The following UBA6 variants were observed in gnomAD, a reference collection of about 807,000 sequenced individuals.
UBA6 encodes the protein ubiquitin like modifier activating enzyme 6.
UBA6 carries 87 observed loss-of-function variants against 148.3 expected under a neutral mutation model. The ratio of observed to expected loss-of-function variants is 0.59; its 90% CI spans 0.49 to 0.70. UBA6 has a LOEUF of 0.70. UBA6 is among the 30% of genes least tolerant of loss of function. The pLI is 0.00. For missense variants in UBA6, 1,186 were observed against 1,241.2 expected (o/e 0.96, Z 0.67); for synonymous variants, 376 against 401.0 (o/e 0.94, Z 0.75).
chr4:67,695,227 C>G (rs941613793), intron 2 of UBA6, among the ~76,000 whole-genome samples: 1 of 152,140 alleles, frequency 6.6e-6, no homozygotes, highest in Admixed American at 6.5e-5. Flanking sequence ...GATTAAGAAT[C>G]CCAACGTAAG....
Position 67,697,252 on chromosome 4 carries a change from G to A in UBA6, c.72-545C>T, listed in dbSNP as rs924498693. Among the ~76,000 whole-genome samples the A allele has an allele frequency of 2.6e-5, 4 of 152,266 alleles. No homozygotes were observed. The South Asian group carries it at 8.3e-4, about 32-fold the overall frequency. On this transcript the variant is annotated intron_variant, in intron 1 of 32. Coordinates refer to ENST00000322244, the MANE Select transcript of UBA6 (RefSeq NM_018227.6). ...ACTACTGACCTCAAGAGATCCACCC[G>A]CCTCAGCGTCCCAAAGTGCTAGGAT... is the stretch of plus-strand genomic sequence containing the variant.
At chr4:67,645,578 C>T (rs113195405) in intron 16 of UBA6, among the ~76,000 whole-genome samples, 2,448 of 149,996 alleles carry the variant, frequency 0.016, 32 homozygotes, top group Admixed American at 0.026. Flanking sequence ...GCCTGAGTGA[C>T]AGAGCGAGAC....
intron 19 of UBA6, among the ~76,000 whole-genome samples, chr4:67,636,725 G>A (rs549000975): frequency 1.0e-3 from 153 of 152,324 alleles, no homozygotes; most frequent in African/African-American, 3.5e-3. Context: ...GTGCAGTGGC[G>A]TGATCTCGGC....
chr4:67,694,802 C>T (rs1247932758), intron 2 of UBA6, among the ~76,000 whole-genome samples: 1 of 152,114 alleles, frequency 6.6e-6, no homozygotes, highest in Non-Finnish European at 1.5e-5. Context: ...TGGCTTCCTG[C>T]CCTCACTATG....
At chr4:67,654,116 G>C (rs936320251) in intron 13 of UBA6, among the ~76,000 whole-genome samples, 19 of 152,130 alleles carry the variant, frequency 1.2e-4, no homozygotes, top group African/African-American at 4.1e-4. Flanking sequence ...ACACTCTTCA[G>C]GGTATTATCC....
chr4:67,621,992 G>A (rs115348527), intron 32 of UBA6, among the ~76,000 whole-genome samples: 1,819 of 152,250 alleles, frequency 0.012, 37 homozygotes, highest in African/African-American at 0.04. Flanking sequence ...CCAGGGGTGA[G>A]ACTTGGCCAG....
In UBA6 at chr4:67,619,254, C is replaced by T; in HGVS notation, c.3024-122G>A. On this transcript the variant is annotated intron_variant, in intron 32 of 32. Transcript: ENST00000322244. ...CTAGACTTTAACATCTAATAATAAT[C>T]TGCTTTCACATATTCATTTTTCTTT... 1.0e-5 allele frequency: 7 copies of T among 697,940 alleles called. No individual in the cohort carries two copies. In the South Asian group the frequency reaches 1.3e-4, roughly 13 times the overall value. The allele number at this position is 697,940 out of a possible 1,614,324, so 43.2% of individuals were successfully genotyped here.
chr4:67,633,972 C>T (rs1049200830), intron 22 of UBA6, among the ~76,000 whole-genome samples: 4 of 151,862 alleles, frequency 2.6e-5, no homozygotes, highest in Admixed American at 6.6e-5. Context: ...ATTTGTAGCC[C>T]TTCTATCATA....
intron 20 of UBA6, among the ~76,000 whole-genome samples, chr4:67,635,159 A>G (rs1729106501): frequency 6.6e-6 from 1 of 152,134 alleles, no homozygotes; most frequent in Admixed American, 6.5e-5. Context: ...TCTAGTCTCA[A>G]TCTAATAGTT....
chr4:67,646,659 T>G (rs1032695892), intron 15 of UBA6, 65 bp downstream of exon 15: 36 of 1,208,160 alleles, frequency 3.0e-5, no homozygotes, highest in Non-Finnish European at 4.3e-5. Context: ...AACAAAGGTA[T>G]GTTTAGACAA....
At position 67,618,339 on chromosome 4, in the gene UBA6, T is replaced by C. The variant is rs575086396; in HGVS notation, c.*658A>G. The C allele has an allele frequency of 5.9e-5, 9 of 152,634 alleles. No individual in the cohort carries two copies. Among genetic ancestry groups the C allele is most frequent in the Non-Finnish European group, 1.2e-4 (8 of 68,030 alleles). 9.5% of individuals were successfully genotyped at this position (152,634 alleles called of 1,614,324 possible). ...AATACTGTTCACGTTTAGTCTAAGT[T>C]AATATGTCTCATCTGACCTATTGCT... On this transcript the variant is annotated 3_prime_UTR_variant, in exon 33 of 33. Coordinates refer to ENST00000322244, the MANE Select transcript of UBA6 (RefSeq NM_018227.6).
At chr4:67,698,598 T>C (rs1730896022) in intron 1 of UBA6, among the ~76,000 whole-genome samples, 2 of 152,178 alleles carry the variant, frequency 1.3e-5, no homozygotes, top group South Asian at 2.1e-4. Context: ...CCAGGCAGTC[T>C]AGCTCTTGAC....
At chr4:67,682,727 A>C (rs1730472218) in intron 2 of UBA6, among the ~76,000 whole-genome samples, 1 of 152,206 alleles carries the variant, frequency 6.6e-6, no homozygotes, top group Non-Finnish European at 1.5e-5. Context: ...AATTTCAAAA[A>C]ATATACGTTA....
intron 13 of UBA6, among the ~76,000 whole-genome samples, chr4:67,651,247 C>T (rs1262377763): frequency 6.6e-6 from 1 of 152,024 alleles, no homozygotes; most frequent in Admixed American, 6.6e-5. Flanking sequence ...AAAAACAACA[C>T]AAAAAACCTT....
At position 67,625,112 on chromosome 4, in the gene UBA6, G is replaced by A; in HGVS notation, c.2594C>T (p.Ala865Val). ...HNGHIDFITA[A>V]SNLRAKMYSI... Reference sequence around the variant, plus strand: ...GTACATTTTGGCACGAAGATTTGATGCAGCTGTGATGAAATCTATGTGTCC... The same window carrying A: ...GTACATTTTGGCACGAAGATTTGATACAGCTGTGATGAAATCTATGTGTCC... Residue 865 changes from alanine (A) to valine (V), a missense_variant, in exon 29 of 33, where the codon GCA becomes GTA. Transcript: ENST00000322244. 6.2e-7 allele frequency: 1 copy of A among 1,613,404 alleles called. No homozygotes were observed. The highest frequency in any genetic ancestry group is 8.5e-7 in the Non-Finnish European group (1 of 1,179,538).
intron 19 of UBA6, among the ~76,000 whole-genome samples, chr4:67,636,646 G>C (rs188563944): frequency 6.6e-6 from 1 of 152,218 alleles, no homozygotes; most frequent in African/African-American, 2.4e-5. Context: ...TGCCAGCCTC[G>C]GCCTCCCGAA....
At chr4:67,681,724 C>A in intron 3 of UBA6, 133 bp from the exon 4 acceptor site, 1 of 616,648 alleles carries the variant, frequency 1.6e-6, no homozygotes, top group Non-Finnish European at 2.7e-6. Context: ...AGTTCCTTGT[C>A]TTAAAAAAGT....
chr4:67,695,034 AAG>A (rs1730799785), intron 2 of UBA6, among the ~76,000 whole-genome samples: 1 of 152,216 alleles, frequency 6.6e-6, no homozygotes, highest in Non-Finnish European at 1.5e-5. Context: ...TGTAAATGGA[AAG>A]TTTAGTCACT....
chr4:67,695,810 A>G (rs1730818840), intron 2 of UBA6, among the ~76,000 whole-genome samples: 1 of 152,182 alleles, frequency 6.6e-6, no homozygotes, highest in Non-Finnish European at 1.5e-5. Context: ...CCAAGCATAG[A>G]GTACAAAACA....
Sources: allele counts gnomAD v4.1 joint callset (sites outside exome capture counted in the v4.1 genomes callset), GRCh38; gene constraint gnomAD v4.1.1; transcripts MANE v1.5; gene names NCBI Gene and HGNC (gene_info 2026-07-23, HGNC 2026-07-21).